Variants in ST6GALNAC3 observed in about 807,000 individuals in gnomAD.
ST6GALNAC3 encodes the protein ST6 N-acetylgalactosaminide alpha-2,6-sialyltransferase 3.
ST6GALNAC3 carries 25 observed loss-of-function variants against 32.7 expected under a neutral mutation model. The observed-to-expected ratio is 0.76, with a 90% CI of 0.56 to 1.07. The LOEUF (loss-of-function observed/expected upper bound fraction) is 1.07, where lower values mean the gene tolerates loss of function less well. Ranked by LOEUF, ST6GALNAC3 falls within the 50% of genes least tolerant of loss-of-function variation. ST6GALNAC3 has a pLI of 0.00. For synonymous variants in ST6GALNAC3, 129 were observed against 133.1 expected (o/e 0.97, Z 0.21); for missense variants, 355 against 382.4 (o/e 0.93, Z 0.60).
At chr1:76,413,646 A>C (rs779058876) in intron 3 of ST6GALNAC3, among the ~76,000 whole-genome samples, 4 of 152,146 alleles carry the variant, frequency 2.6e-5, no homozygotes, top group Admixed American at 6.6e-5. Flanking sequence ...ACAGCTTCAT[A>C]TGAAATACAA....
intron 3 of ST6GALNAC3, among the ~76,000 whole-genome samples, chr1:76,572,543 C>T (rs561551471): frequency 2.0e-5 from 3 of 152,220 alleles, no homozygotes; most frequent in South Asian, 2.1e-4. Flanking sequence ...CCTTCCCCCA[C>T]CAGTTTCTGG....
intron 3 of ST6GALNAC3, among the ~76,000 whole-genome samples, chr1:76,423,815 T>A (rs1274084359): frequency 6.6e-6 from 1 of 151,974 alleles, no homozygotes; most frequent in Non-Finnish European, 1.5e-5. Flanking sequence ...TTTCTTGAAC[T>A]TTTGTTGATT....
At chr1:76,568,853 G>A (rs895423749) in intron 3 of ST6GALNAC3, among the ~76,000 whole-genome samples, 2 of 152,210 alleles carry the variant, frequency 1.3e-5, no homozygotes, top group Non-Finnish European at 2.9e-5. Flanking sequence ...ACATTTCCTG[G>A]AACCCATTAA....
At chr1:76,355,861 T>C (rs1190749629) in intron 2 of ST6GALNAC3, among the ~76,000 whole-genome samples, 1 of 152,228 alleles carries the variant, frequency 6.6e-6, no homozygotes, top group Non-Finnish European at 1.5e-5. Context: ...TTTCTGCCTG[T>C]CTCTGTCTCG....
intron 3 of ST6GALNAC3, among the ~76,000 whole-genome samples, chr1:76,420,348 G>A (rs1307938108): frequency 6.6e-6 from 1 of 152,028 alleles, no homozygotes; most frequent in Non-Finnish European, 1.5e-5. Flanking sequence ...CTTGTAGTTG[G>A]ATCCTAACTT....
chr1:76,381,420 C>T (rs986845044), intron 2 of ST6GALNAC3, among the ~76,000 whole-genome samples: 15 of 151,950 alleles, frequency 9.9e-5, no homozygotes, highest in Admixed American at 3.3e-4. Flanking sequence ...TAATAGGTAG[C>T]AATAATAATA....
intron 1 of ST6GALNAC3, among the ~76,000 whole-genome samples, chr1:76,172,285 A>T (rs369088266): frequency 6.6e-6 from 1 of 152,218 alleles, no homozygotes; most frequent in East Asian, 1.9e-4. Flanking sequence ...ATAAAATTCA[A>T]CATTCTTCAT....
chr1:76,296,033 G>T (rs1261619798), intron 1 of ST6GALNAC3, among the ~76,000 whole-genome samples: 1 of 151,988 alleles, frequency 6.6e-6, no homozygotes, highest in Non-Finnish European at 1.5e-5. Context: ...TGTGGGGGTG[G>T]TGTGTTCTGA....
chr1:76,323,826 A>C (rs1647016011), intron 2 of ST6GALNAC3, among the ~76,000 whole-genome samples: 1 of 152,132 alleles, frequency 6.6e-6, no homozygotes. Context: ...ATGTTTTCCA[A>C]ATTTTCTACA....
chr1:76,200,966 T>G (rs2100539610), intron 1 of ST6GALNAC3, among the ~76,000 whole-genome samples: 1 of 152,200 alleles, frequency 6.6e-6, no homozygotes, highest in African/African-American at 2.4e-5. Flanking sequence ...CTTTGACATT[T>G]GAAGATTATT....
At chr1:76,464,998 TTC>T (rs56725500) in intron 3 of ST6GALNAC3, among the ~76,000 whole-genome samples, 25,069 of 152,110 alleles carry the variant, frequency 0.16, 2,235 homozygotes, top group African/African-American at 0.22. Context: ...ACTTTCTTTT[TTC>T]AAAATCAGGC....
At chr1:76,355,100 A>C (rs748659413) in intron 2 of ST6GALNAC3, among the ~76,000 whole-genome samples, 68 of 152,144 alleles carry the variant, frequency 4.5e-4, no homozygotes, top group Non-Finnish European at 9.0e-4. Flanking sequence ...GCTTAGACTG[A>C]AAATGATTTG....
chr1:76,274,688 A>C (rs1361412800), intron 1 of ST6GALNAC3, among the ~76,000 whole-genome samples: 2 of 152,184 alleles, frequency 1.3e-5, no homozygotes, highest in Non-Finnish European at 2.9e-5. Flanking sequence ...TCTGATTTCT[A>C]ATCTCTGAAA....
intron 3 of ST6GALNAC3, among the ~76,000 whole-genome samples, chr1:76,609,506 GT>G (rs1647779928): frequency 6.6e-6 from 1 of 152,060 alleles, no homozygotes; most frequent in African/African-American, 2.4e-5. Flanking sequence ...GAAATGATAA[GT>G]TGTTTCTTCT....
chr1:76,103,274 T>C (rs1647310159), intron 1 of ST6GALNAC3, among the ~76,000 whole-genome samples: 1 of 152,128 alleles, frequency 6.6e-6, no homozygotes, highest in African/African-American at 2.4e-5. Flanking sequence ...TCATTCATCT[T>C]GTCAAATATT....
In ST6GALNAC3 at chr1:76,521,315, G is replaced by A. The variant is rs534246308; in HGVS notation, c.624-106137G>A. Among the ~76,000 whole-genome samples, 11 of 150,822 alleles carry A rather than the reference G, an allele frequency of 7.3e-5. 1 individual carries two copies. Among genetic ancestry groups the A allele is most frequent in the East Asian group, 1.9e-4 (1 of 5,156 alleles). ...TATATATATACACACACACACGCGC[G>A]TACATACATGCATATACACACACAC... On this transcript the variant is annotated intron_variant, in intron 3 of 4. Coordinates refer to ENST00000328299, the MANE Select transcript of ST6GALNAC3 (RefSeq NM_152996.4).
chr1:76,193,803 A>G (rs1654043000), intron 1 of ST6GALNAC3, among the ~76,000 whole-genome samples: 1 of 152,168 alleles, frequency 6.6e-6, no homozygotes, highest in Admixed American at 6.5e-5. Context: ...TCAAGGGTCC[A>G]GTGATTTGAT....
At chr1:76,538,949 A>G (rs1663806816) in intron 3 of ST6GALNAC3, among the ~76,000 whole-genome samples, 1 of 152,232 alleles carries the variant, frequency 6.6e-6, no homozygotes, top group South Asian at 2.1e-4. Flanking sequence ...GCCCAAAGTA[A>G]TTTATAGATT....
chr1:76,095,078 C>T (rs1173339420), intron 1 of ST6GALNAC3, among the ~76,000 whole-genome samples: 2 of 152,072 alleles, frequency 1.3e-5, no homozygotes, highest in African/African-American at 4.8e-5. Flanking sequence ...CATGAAATGG[C>T]TGAGGACTCT....
Sources: gnomAD v4.1 joint callset for allele counts (sites outside exome capture counted in the v4.1 genomes callset) on GRCh38, gnomAD v4.1.1 for gene constraint, MANE v1.5 for transcripts, NCBI Gene and HGNC (gene_info 2026-07-23, HGNC 2026-07-21) for gene names.